PRKRIP1: variants seen among roughly 807,000 people sequenced by gnomAD.
PRKRIP1 encodes PRKR-interacting protein 1.
In PRKRIP1, 29 loss-of-function variants were observed where a neutral mutation model predicts 29.3. The ratio of observed to expected loss-of-function variants is 0.99; its 90% CI spans 0.74 to 1.35. The LOEUF (loss-of-function observed/expected upper bound fraction) is 1.35. Ranked by LOEUF, PRKRIP1 falls within the 40% of genes most tolerant of loss-of-function variation. The pLI is 0.00. For missense variants in PRKRIP1, 247 were observed against 236.8 expected, an observed-to-expected ratio of 1.04 and a Z score of -0.28; for synonymous variants, 90 against 85.1, an observed-to-expected ratio of 1.06 and a Z score of -0.32.
chr7:102,417,484 G>A (rs559530583), intron 5 of PRKRIP1, among the ~76,000 whole-genome samples: 25 of 152,140 alleles, frequency 1.6e-4, no homozygotes, highest in African/African-American at 5.8e-4. Context: ...ATGAGCTTGT[G>A]GGTATTCATT....
intron 5 of PRKRIP1, among the ~76,000 whole-genome samples, chr7:102,410,667 C>T (rs782042192): frequency 2.0e-5 from 3 of 152,076 alleles, no homozygotes; most frequent in South Asian, 2.1e-4. Context: ...TTGAACAGCT[C>T]GAGGAGCATT....
intron 1 of PRKRIP1, 45 bp from the exon 2 acceptor site, chr7:102,397,575 G>A (rs1034856447): frequency 2.0e-6 from 3 of 1,491,678 alleles, no homozygotes; most frequent in Admixed American, 3.4e-5. Flanking sequence ...ATATAATTTT[G>A]TCAACAGGTT....
intron 5 of PRKRIP1, 37 bp downstream of exon 5, chr7:102,407,535 T>C: frequency 1.3e-6 from 2 of 1,505,674 alleles, no homozygotes; most frequent in East Asian, 2.3e-5. Context: ...GTAGCTTCTT[T>C]CTTCTTGTTG....
chr7:102,399,746 C>T (rs936148628), intron 3 of PRKRIP1, 98 bp downstream of exon 3: 3 of 951,812 alleles, frequency 3.2e-6, no homozygotes, highest in Non-Finnish European at 4.9e-6. Flanking sequence ...CGTGGTGGCT[C>T]AGGCCTGTAA....
At chr7:102,413,168 G>A (rs951207951) in intron 5 of PRKRIP1, among the ~76,000 whole-genome samples, 1 of 152,084 alleles carries the variant, frequency 6.6e-6, no homozygotes, top group Admixed American at 6.6e-5. Context: ...ACCCTCCCGA[G>A]GCCAGGAGCA....
At position 102,412,879 on chromosome 7, in the gene PRKRIP1, T is replaced by C. The variant is rs761107309; in HGVS notation, c.457+5381T>C. ...GGGAAGACTCCCGGCAGTGTGGGAC[T>C]TGTGTCTGAAATGACAGCATAGGAT... On this transcript the variant is annotated intron_variant, in intron 5 of 5. Transcript: ENST00000397912. Among the ~76,000 whole-genome samples the C allele has an allele frequency of 4.6e-5, 7 of 152,310 alleles. No homozygotes were observed. In the South Asian group the frequency reaches 1.2e-3, roughly 27 times the overall value.
intron 5 of PRKRIP1, chr7:102,423,403 C>T (rs1222097857): frequency 1.3e-5 from 4 of 319,162 alleles, no homozygotes; most frequent in South Asian, 2.4e-5. Context: ...CATGAGCCAC[C>T]GTGCCCGGCG....
At chr7:102,410,301 C>T (rs1175255909) in intron 5 of PRKRIP1, among the ~76,000 whole-genome samples, 2 of 152,150 alleles carry the variant, frequency 1.3e-5, no homozygotes, top group African/African-American at 4.8e-5. Flanking sequence ...TTGTTTGTGT[C>T]AATCGTTACT....
chr7:102,409,111 T>A (rs1796307889), intron 5 of PRKRIP1, among the ~76,000 whole-genome samples: 1 of 151,692 alleles, frequency 6.6e-6, no homozygotes, highest in Admixed American at 6.6e-5. Flanking sequence ...GAGGCAGAGG[T>A]TGCAGTGAGC....
intron 5 of PRKRIP1, among the ~76,000 whole-genome samples, chr7:102,415,961 G>C (rs1225903459): frequency 6.6e-6 from 1 of 152,258 alleles, no homozygotes; most frequent in East Asian, 1.9e-4. Flanking sequence ...CGCTGCATGT[G>C]CTTAGGCTGC....
chr7:102,396,614 TC>T, intron 1 of PRKRIP1, 77 bp downstream of exon 1: 1 of 1,478,422 alleles, frequency 6.8e-7, no homozygotes, highest in Non-Finnish European at 9.1e-7. Context: ...TTCCCGCAGG[TC>T]CACCTTCCCC....
intron 2 of PRKRIP1, among the ~76,000 whole-genome samples, chr7:102,397,966 G>A (rs1249132565): frequency 1.3e-5 from 2 of 151,944 alleles, no homozygotes; most frequent in Non-Finnish European, 2.9e-5. Context: ...AGAATGGCGT[G>A]AACCCAGGAG....
At chr7:102,403,634 C>T (rs150790776) in intron 3 of PRKRIP1, among the ~76,000 whole-genome samples, 558 of 152,318 alleles carry the variant, frequency 3.7e-3, no homozygotes, top group Non-Finnish European at 5.6e-3. Flanking sequence ...GTATCAGCCT[C>T]CCAAAGTACT....
At chr7:102,404,923 G>A (rs1158342966) in intron 4 of PRKRIP1, among the ~76,000 whole-genome samples, 2 of 151,744 alleles carry the variant, frequency 1.3e-5, no homozygotes, top group South Asian at 4.2e-4. Flanking sequence ...TCTCCTTCAG[G>A]TCTGTATTTT....
intron 5 of PRKRIP1, among the ~76,000 whole-genome samples, chr7:102,410,388 C>T (rs958017275): frequency 6.6e-6 from 1 of 152,134 alleles, no homozygotes; most frequent in Non-Finnish European, 1.5e-5. Flanking sequence ...ATGCTGTTCA[C>T]GTTGAGTGAG....
At chr7:102,409,714 G>C (rs1554572304) in intron 5 of PRKRIP1, among the ~76,000 whole-genome samples, 1 of 151,778 alleles carries the variant, frequency 6.6e-6, no homozygotes, top group African/African-American at 2.4e-5. Flanking sequence ...GTCCTATCTA[G>C]TCTGGAGGCT....
intron 1 of PRKRIP1, 92 bp from the exon 2 acceptor site, chr7:102,397,528 A>C: frequency 1.9e-6 from 2 of 1,041,278 alleles, no homozygotes; most frequent in Non-Finnish European, 2.9e-6. Flanking sequence ...CCTGAGGAAC[A>C]GAGCAAGAAC....
chr7:102,419,067 G>A (rs181108263), intron 5 of PRKRIP1, among the ~76,000 whole-genome samples: 5 of 152,204 alleles, frequency 3.3e-5, no homozygotes, highest in Non-Finnish European at 5.9e-5. Context: ...GGATTCATGT[G>A]TCACCTTCTG....
chr7:102,400,806 T>C (rs1796047252), intron 3 of PRKRIP1, among the ~76,000 whole-genome samples: 1 of 152,100 alleles, frequency 6.6e-6, no homozygotes, highest in Admixed American at 6.6e-5. Context: ...GGCTAATTTT[T>C]TGTATTTTTA....
Sources: gnomAD v4.1 joint callset for allele counts (sites outside exome capture counted in the v4.1 genomes callset) on GRCh38, gnomAD v4.1.1 for gene constraint, MANE v1.5 for transcripts, NCBI Gene and HGNC (gene_info 2026-07-23, HGNC 2026-07-21) for gene names.